The following EPHA6 variants were observed in gnomAD, a reference collection of about 807,000 sequenced individuals.
EPHA6 encodes the protein ephrin type-A receptor 6.
In EPHA6, 50 loss-of-function variants were observed where a neutral mutation model predicts 112.0. The observed-to-expected ratio is 0.45, with a 90% CI of 0.36 to 0.56. The LOEUF is 0.56. Ranked by LOEUF, EPHA6 falls within the 20% of genes least tolerant of loss-of-function variation. The pLI is 0.00. For missense variants in EPHA6, 1,280 were observed against 1,417.4 expected (o/e 0.90, Z 1.56); for synonymous variants, 529 against 490.7 (o/e 1.08, Z -1.03).
intron 3 of EPHA6, among the ~76,000 whole-genome samples, chr3:97,044,811 T>G (rs1223501236): frequency 6.6e-6 from 1 of 152,068 alleles, no homozygotes; most frequent in Non-Finnish European, 1.5e-5. Flanking sequence ...TACAGAGATA[T>G]AGTAAATGGA....
In EPHA6 at chr3:97,178,539, T is replaced by A. The variant is rs573281910; in HGVS notation, c.1115-47725T>A. 2.0e-5 allele frequency among the ~76,000 whole-genome samples: 3 copies of A among 152,232 alleles called. No homozygotes were observed. The South Asian group carries it at 6.2e-4, about 32-fold the overall frequency. ...AGCATTTCTTGTAGGACAGGTCTAA[T>A]GTTGATTAAATCCGTCAGCTTTTGT... On this transcript the variant is annotated intron_variant, in intron 3 of 17. Coordinates refer to ENST00000389672, the MANE Select transcript of EPHA6 (RefSeq NM_001080448.3).
At chr3:97,227,452 C>T (rs928393998) in intron 4 of EPHA6, among the ~76,000 whole-genome samples, 1 of 152,144 alleles carries the variant, frequency 6.6e-6, no homozygotes, top group Non-Finnish European at 1.5e-5. Flanking sequence ...AACTCCTGAC[C>T]TCAGGTGATC....
Position 97,262,295 on chromosome 3 carries a change from A to G in EPHA6, c.1606+18008A>G, listed in dbSNP as rs148119947. The stretch of plus-strand genomic sequence containing the variant: ...ATATTGAAACTCTAAATTACCCTCT[A>G]TCTTTATAAAGAAAAAAATGGCCTT... On this transcript the variant is annotated intron_variant, in intron 5 of 17. Coordinates refer to ENST00000389672, the MANE Select transcript of EPHA6 (RefSeq NM_001080448.3). 3.1e-3 allele frequency among the ~76,000 whole-genome samples: 479 copies of G among 152,230 alleles called. 4 individuals carry two copies. The highest frequency in any genetic ancestry group is 0.011 in the African/African-American group (458 of 41,544).
rs2108184661 is a variant in EPHA6, at chr3:97,077,682, T to A, written c.1114+89689T>A. ...CCTTGTGATAGTTTGCTGAGAATGA[T>A]GGTTTCCAGCTTCATCCATGTCCCT... On this transcript the variant is annotated intron_variant, in intron 3 of 17. Transcript: ENST00000389672. Among the ~76,000 whole-genome samples the A allele has an allele frequency of 2.0e-5, 3 of 152,260 alleles. No homozygotes were observed. The South Asian group carries it at 6.2e-4, about 32-fold the overall frequency.
chr3:97,446,152 A>G (rs2090339098), intron 6 of EPHA6, among the ~76,000 whole-genome samples: 1 of 152,160 alleles, frequency 6.6e-6, no homozygotes, highest in Non-Finnish European at 1.5e-5. Context: ...TTGGTTTCCC[A>G]AGAGCTTAAA....
chr3:97,719,281 A>G (rs2107791235), intron 14 of EPHA6, among the ~76,000 whole-genome samples: 1 of 152,104 alleles, frequency 6.6e-6, no homozygotes, highest in East Asian at 1.9e-4. Flanking sequence ...CAATGTTGAA[A>G]CAATCCCTTT....
chr3:97,546,235 C>T (rs1438092802), intron 11 of EPHA6, among the ~76,000 whole-genome samples: 4 of 152,234 alleles, frequency 2.6e-5, no homozygotes, highest in East Asian at 1.9e-4. Flanking sequence ...GTGCTTCCTT[C>T]GGGAGCTCTT....
intron 11 of EPHA6, among the ~76,000 whole-genome samples, chr3:97,553,536 G>GGAGA (rs972285969): frequency 6.6e-6 from 1 of 151,242 alleles, no homozygotes; most frequent in Admixed American, 6.6e-5. Flanking sequence ...CATGGCTGCA[G>GGAGA]GAGAGAGAGA....
At chr3:97,169,757 G>C (rs766277774) in intron 3 of EPHA6, among the ~76,000 whole-genome samples, 12 of 151,646 alleles carry the variant, frequency 7.9e-5, no homozygotes, top group Non-Finnish European at 1.5e-4. Flanking sequence ...TTTTTCATTT[G>C]AATAAATGAA....
At chr3:97,633,739 A>G (rs1449193983) in intron 13 of EPHA6, among the ~76,000 whole-genome samples, 30 of 152,112 alleles carry the variant, frequency 2.0e-4, no homozygotes. Context: ...TTAACCATCT[A>G]CCATATTCAA....
intron 3 of EPHA6, among the ~76,000 whole-genome samples, chr3:97,093,246 C>A (rs188641964): frequency 9.9e-5 from 15 of 152,014 alleles, no homozygotes; most frequent in Non-Finnish European, 2.1e-4. Flanking sequence ...CATTCTGATT[C>A]CTGATTTAAA....
chr3:97,542,905 G>A (rs1255950312), intron 11 of EPHA6, among the ~76,000 whole-genome samples: 1 of 152,166 alleles, frequency 6.6e-6, no homozygotes, highest in African/African-American at 2.4e-5. Flanking sequence ...TGTGAGAAGT[G>A]TCTGTTCATA....
intron 3 of EPHA6, among the ~76,000 whole-genome samples, chr3:97,067,636 A>T (rs2108145446): frequency 6.6e-6 from 1 of 152,138 alleles, no homozygotes; most frequent in Admixed American, 6.6e-5. Context: ...GCATAAGCAA[A>T]CTCAGAGAAG....
At chr3:96,845,444 G>C (rs2035013349) in intron 1 of EPHA6, among the ~76,000 whole-genome samples, 1 of 151,910 alleles carries the variant, frequency 6.6e-6, no homozygotes, top group African/African-American at 2.4e-5. Flanking sequence ...CCTCACATCA[G>C]TAACTCTGAT....
intron 5 of EPHA6, among the ~76,000 whole-genome samples, chr3:97,249,237 A>G (rs2079066608): frequency 6.6e-6 from 1 of 152,156 alleles, no homozygotes; most frequent in South Asian, 2.1e-4. Flanking sequence ...AAAGCTAGAT[A>G]TATTGAAGTA....
At chr3:97,451,987 A>G (rs1169226255) in intron 7 of EPHA6, among the ~76,000 whole-genome samples, 1 of 151,878 alleles carries the variant, frequency 6.6e-6, no homozygotes, top group African/African-American at 2.4e-5. Context: ...GTAGTTTATA[A>G]TTCAGTTCTT....
chr3:97,021,437 G>A (rs970466759), intron 3 of EPHA6, among the ~76,000 whole-genome samples: 1 of 152,064 alleles, frequency 6.6e-6, no homozygotes, highest in Non-Finnish European at 1.5e-5. Context: ...TAGAACTCTC[G>A]AAATTTCTTC....
intron 3 of EPHA6, among the ~76,000 whole-genome samples, chr3:97,155,788 G>A (rs933652787): frequency 6.6e-6 from 1 of 152,072 alleles, no homozygotes; most frequent in Admixed American, 6.5e-5. Context: ...TTGCATGTGG[G>A]TTCCTACATC....
At chr3:97,334,760 A>G (rs918311455) in intron 5 of EPHA6, among the ~76,000 whole-genome samples, 2 of 151,996 alleles carry the variant, frequency 1.3e-5, no homozygotes, top group Non-Finnish European at 2.9e-5. Flanking sequence ...GAACTGCTTC[A>G]TTTCTTTAAG....
Sources: allele counts gnomAD v4.1 joint callset (sites outside exome capture counted in the v4.1 genomes callset), GRCh38; gene constraint gnomAD v4.1.1; transcripts MANE v1.5; gene names NCBI Gene and HGNC (gene_info 2026-07-23, HGNC 2026-07-21).